Variants in TMEM44 observed in about 807,000 individuals in gnomAD.
The protein encoded by TMEM44 is transmembrane protein 44.
A neutral mutation model predicts 47.8 loss-of-function variants in TMEM44; 43 were observed. That is an observed-to-expected ratio of 0.90 (90% CI 0.70 to 1.16). TMEM44 has a LOEUF of 1.16. TMEM44 is among the 50% of genes most tolerant of loss of function. The pLI is 0.00. For synonymous variants in TMEM44, 277 were observed against 238.8 expected, an observed-to-expected ratio of 1.16 and a Z score of -1.48; for missense variants, 568 against 555.2, an observed-to-expected ratio of 1.02 and a Z score of -0.23.
chr3:194,594,174 T>A (rs929773805), intron 9 of TMEM44, among the ~76,000 whole-genome samples: 8 of 152,044 alleles, frequency 5.3e-5, no homozygotes, highest in African/African-American at 1.9e-4. Flanking sequence ...TATATCTATC[T>A]ATCTGTGTAT....
intron 7 of TMEM44, among the ~76,000 whole-genome samples, chr3:194,614,989 C>A (rs146607486): frequency 1.3e-5 from 2 of 152,238 alleles, no homozygotes; most frequent in Non-Finnish European, 2.9e-5. Context: ...GTAATCCCAG[C>A]ACTTTGGGAG....
chr3:194,592,815 T>G (rs537051721), intron 9 of TMEM44, among the ~76,000 whole-genome samples: 2 of 152,158 alleles, frequency 1.3e-5, no homozygotes, highest in African/African-American at 4.8e-5. Flanking sequence ...GGTTTCACCA[T>G]GTTGGCCAGG....
In TMEM44 at chr3:194,601,674, C is replaced by T. The variant is rs541439812; in HGVS notation, c.1176+2613G>A. ...CGTTCGCCAGGCTGGTCTCAAACTT[C>T]TGACCTCAGGTGATCCACCCGCCTC... is the stretch of plus-strand genomic sequence containing the variant. On this transcript the variant is annotated intron_variant, in intron 9 of 9. Transcript: ENST00000347147. Among the ~76,000 whole-genome samples the T allele has an allele frequency of 5.9e-5, 9 of 152,210 alleles. No individual in the cohort carries two copies. The South Asian group carries it at 1.7e-3, about 28-fold the overall frequency.
intron 6 of TMEM44, among the ~76,000 whole-genome samples, chr3:194,616,233 G>A (rs1191607720): frequency 6.6e-6 from 1 of 152,094 alleles, no homozygotes; most frequent in Non-Finnish European, 1.5e-5. Flanking sequence ...CGTATTTTTA[G>A]TAGAGACCGG....
At chr3:194,615,480 C>G in intron 7 of TMEM44, 89 bp downstream of exon 7, 1 of 1,521,586 alleles carries the variant, frequency 6.6e-7, no homozygotes, top group Non-Finnish European at 8.8e-7. Flanking sequence ...AGCTTTCACA[C>G]GTCCGTCCGC....
In TMEM44 at chr3:194,617,828, A is replaced by G. The variant is rs1716107642; in HGVS notation, c.613-559T>C. 3.9e-5 allele frequency: 27 copies of G among 690,712 alleles called. No individual in the cohort carries two copies. The South Asian group carries it at 4.0e-4, about 10-fold the overall frequency. 42.8% of individuals were successfully genotyped at this position (690,712 alleles called of 1,614,324 possible). A position where few individuals can be genotyped will look rare whatever the true frequency, so the allele number is the denominator to read the frequency against. ...GTGGATATCTCATGAATGGTCTGGC[A>G]CCATACCCTGGGTGCTGTCCTCACG... On this transcript the variant is annotated intron_variant, in intron 5 of 9. Coordinates refer to ENST00000347147, the MANE Select transcript of TMEM44 (RefSeq NM_001011655.3).
intron 7 of TMEM44, among the ~76,000 whole-genome samples, chr3:194,613,210 C>T (rs1715511752): frequency 2.0e-5 from 3 of 152,018 alleles, no homozygotes; most frequent in African/African-American, 7.2e-5. Flanking sequence ...CAGATTTTCA[C>T]TTTATTGCCC....
chr3:194,610,743 A>G (rs1715230422), intron 8 of TMEM44, among the ~76,000 whole-genome samples, 173 bp downstream of exon 8: 1 of 152,096 alleles, frequency 6.6e-6, no homozygotes, highest in Non-Finnish European at 1.5e-5. Context: ...TTTCTCTCCA[A>G]CACTCCCCCA....
At chr3:194,612,435 C>G (rs911126347) in intron 7 of TMEM44, among the ~76,000 whole-genome samples, 1 of 152,108 alleles carries the variant, frequency 6.6e-6, no homozygotes, top group Non-Finnish European at 1.5e-5. Flanking sequence ...TCAGTCGGAT[C>G]ACATGGTTAA....
In TMEM44 at chr3:194,595,674, C is replaced by T. The variant is rs568477229; in HGVS notation, c.1177-7035G>A. Among the ~76,000 whole-genome samples the T allele has an allele frequency of 1.4e-4, 21 of 150,344 alleles. No homozygotes were observed. In the East Asian group the frequency reaches 2.9e-3, roughly 21 times the overall value. On this transcript the variant is annotated intron_variant, in intron 9 of 9. Transcript: ENST00000347147. Reference sequence around the variant, plus strand: ...GGAGTCTCACTCTGTTGCCCAGGCTCGAGTACAATGGCGTGATCTCAGCTC... The same window carrying T: ...GGAGTCTCACTCTGTTGCCCAGGCTTGAGTACAATGGCGTGATCTCAGCTC...
At chr3:194,604,254 C>T in intron 9 of TMEM44, 33 bp downstream of exon 9, 1 of 1,565,190 alleles carries the variant, frequency 6.4e-7, no homozygotes, top group Non-Finnish European at 8.7e-7. Context: ...CGATGGCACC[C>T]ACGCACCCGC....
chr3:194,604,521 T>C (rs376573308), intron 8 of TMEM44, 76 bp from the exon 9 acceptor site: 2 of 1,442,050 alleles, frequency 1.4e-6, no homozygotes, highest in Non-Finnish European at 9.2e-7. Flanking sequence ...AGCATTCACA[T>C]ACTTCAGTGT....
intron 9 of TMEM44, among the ~76,000 whole-genome samples, chr3:194,599,492 C>T (rs371512138): frequency 1.4e-4 from 21 of 152,218 alleles, no homozygotes; most frequent in East Asian, 1.4e-3. Context: ...CACCTGGAGG[C>T]GGCCATTGGT....
At position 194,611,488 on chromosome 3, in the gene TMEM44, G is replaced by C. The variant is rs933305807; in HGVS notation, c.913-468C>G. ...GCACTGCATTCCAGCCTAGGGGACA[G>C]AGTGAGACCCTGTCGTACAAACAAA... is the stretch of plus-strand genomic sequence containing the variant. On this transcript the variant is annotated intron_variant, in intron 7 of 9. Transcript: ENST00000347147. The surrounding 1 kb of genome is among the most constrained non-coding windows in gnomAD (Gnocchi z 4.2). 2.6e-5 allele frequency among the ~76,000 whole-genome samples: 4 copies of C among 152,314 alleles called. No homozygotes were observed. Among genetic ancestry groups the C allele is most frequent in the African/African-American group, 9.6e-5 (4 of 41,574 alleles).
intron 7 of TMEM44, among the ~76,000 whole-genome samples, chr3:194,613,026 A>C (rs1715491962): frequency 1.3e-5 from 2 of 152,246 alleles, no homozygotes; most frequent in African/African-American, 4.8e-5. Context: ...TGATGAAGAC[A>C]AATGGCCTCA....
intron 5 of TMEM44, among the ~76,000 whole-genome samples, chr3:194,621,868 C>T (rs978439286): frequency 3.3e-5 from 5 of 152,186 alleles, no homozygotes; most frequent in African/African-American, 1.2e-4. Context: ...CCCGCCACCA[C>T]GCCTGGCTAG....
intron 8 of TMEM44, among the ~76,000 whole-genome samples, chr3:194,608,453 A>C (rs1714986423): frequency 6.6e-6 from 1 of 152,224 alleles, no homozygotes; most frequent in South Asian, 2.1e-4. Flanking sequence ...ACAGGAGATA[A>C]AGTTTACATC....
At chr3:194,613,882 GGAAGCC>G in intron 7 of TMEM44, among the ~76,000 whole-genome samples, 1 of 151,792 alleles carries the variant, frequency 6.6e-6, no homozygotes, top group Non-Finnish European at 1.5e-5. Context: ...CAGCACTTTG[GGAAGCC>G]GAGGTGGGCG....
chr3:194,623,679 C>T lies in TMEM44; in HGVS notation c.375G>A (p.Glu125=), dbSNP rs1431500653. 3 of 1,613,854 alleles carry T rather than the reference C, an allele frequency of 1.9e-6. No homozygotes were observed. The highest frequency in any genetic ancestry group is 1.3e-5 in the African/African-American group (1 of 74,950). ...FKSNSDREAR[E]RKRRRQLRAS... ...CCCTGAGCTGCCGCCTCCTCTTCCT[C>T]TCTCGGGCTTCCCGATCTGCAACAG... The change falls in exon 4 of 10, where the codon GAG becomes GAA. Residue 125 remains glutamate (E), a synonymous_variant. Transcript: ENST00000347147.
Sources: gnomAD v4.1 joint callset for allele counts (sites outside exome capture counted in the v4.1 genomes callset) on GRCh38, gnomAD v4.1.1 for gene constraint, Gnocchi (gnomAD v3.1) non-coding constraint, MANE v1.5 for transcripts, NCBI Gene and HGNC (gene_info 2026-07-23, HGNC 2026-07-21) for gene names.